The following BICC1 variants were observed in gnomAD, a reference collection of about 807,000 sequenced individuals.
BICC1 encodes the protein BicC family RNA binding protein 1.
Under a neutral mutation model 111.0 loss-of-function variants are expected in BICC1, and 43 were observed. That is an observed-to-expected ratio of 0.39 (90% CI 0.30 to 0.50). The LOEUF (loss-of-function observed/expected upper bound fraction) is 0.50. Ranked by LOEUF, BICC1 falls within the 20% of genes least tolerant of loss-of-function variation. The pLI is 0.88. For missense variants in BICC1, 1,091 were observed against 1,203.2 expected, an observed-to-expected ratio of 0.91 and a Z score of 1.38; for synonymous variants, 467 against 434.4, an observed-to-expected ratio of 1.07 and a Z score of -0.93.
chr10:58,696,856 TG>T (rs1840078439), intron 2 of BICC1, among the ~76,000 whole-genome samples: 1 of 152,224 alleles, frequency 6.6e-6, no homozygotes, highest in Non-Finnish European at 1.5e-5. Flanking sequence ...TTTGGTTTTG[TG>T]GTGGTGAAAA....
At chr10:58,707,493 A>G (rs950156918) in intron 3 of BICC1, among the ~76,000 whole-genome samples, 1 of 152,102 alleles carries the variant, frequency 6.6e-6, no homozygotes. Flanking sequence ...CTAGGTTAAA[A>G]AAAAATAGAG....
intron 1 of BICC1, among the ~76,000 whole-genome samples, chr10:58,619,478 CT>C (rs60650027): frequency 0.93 from 112,642 of 120,826 alleles, 52,679 homozygotes; most frequent in East Asian, 0.98. Context: ...AGTTTTGAAT[CT>C]TTTTTTTTTT....
chr10:58,793,613 A>C lies in BICC1; in HGVS notation c.1177A>C (p.Lys393Gln). The C allele has an allele frequency of 6.2e-7, 1 of 1,613,730 alleles. No individual in the cohort carries two copies. Among genetic ancestry groups the C allele is most frequent in the Non-Finnish European group, 8.5e-7 (1 of 1,179,866 alleles). Residue 393 changes from lysine (K) to glutamine (Q), a missense_variant and splice_region_variant, in exon 9 of 21, where the codon AAG (lysine) becomes CAG (glutamine). Around this residue, in one of 3 missense-constraint regions of BICC1, gnomAD observed 843 missense variants for 900.8 expected, o/e 0.94. Transcript: ENST00000373886. ...SIKPKPKQPS[K>Q]SVIVKSVERN... ...TAAACCAAAGCCCAAACAGCCAAGC[A>C]AGGTTGGTTCAGAGTCTGAATCCAG... is the stretch of plus-strand genomic sequence containing the variant.
At chr10:58,698,440 T>G (rs1564561066) in intron 2 of BICC1, among the ~76,000 whole-genome samples, 1 of 152,118 alleles carries the variant, frequency 6.6e-6, no homozygotes, top group African/African-American at 2.4e-5. Context: ...GAGCCAACTT[T>G]TTCTCCTCCT....
intron 3 of BICC1, among the ~76,000 whole-genome samples, chr10:58,751,586 A>C (rs937518169): frequency 1.9e-4 from 29 of 152,240 alleles, no homozygotes; most frequent in African/African-American, 5.8e-4. Context: ...TGAGATGCAA[A>C]ATATTTCACT....
chr10:58,574,261 G>A (rs891623735), intron 1 of BICC1, among the ~76,000 whole-genome samples: 2 of 152,110 alleles, frequency 1.3e-5, no homozygotes, highest in Admixed American at 1.3e-4. Flanking sequence ...ATTGGGAGAT[G>A]GATTTGGACA....
intron 1 of BICC1, among the ~76,000 whole-genome samples, chr10:58,527,673 A>C (rs1589064203): frequency 6.6e-6 from 1 of 152,246 alleles, no homozygotes; most frequent in East Asian, 1.9e-4. Context: ...CATTTATTAA[A>C]TAGGGAATCC....
At chr10:58,535,306 T>G (rs933701684) in intron 1 of BICC1, among the ~76,000 whole-genome samples, 5 of 151,640 alleles carry the variant, frequency 3.3e-5, no homozygotes, top group Non-Finnish European at 7.4e-5. Context: ...AAAGTCAATG[T>G]GAAGGAAATA....
At position 58,632,517 on chromosome 10, in the gene BICC1, T is replaced by C. The variant is rs546974094; in HGVS notation, c.237+11616T>C. Reference sequence around the variant, plus strand: ...AACGGAGGGAGTGATTTTTTTTTTTTTCCCCTATTCTGAGGACTCAGGGAA... The same window carrying C: ...AACGGAGGGAGTGATTTTTTTTTTTCTCCCCTATTCTGAGGACTCAGGGAA... On this transcript the variant is annotated intron_variant, in intron 2 of 20. Coordinates refer to ENST00000373886, the MANE Select transcript of BICC1 (RefSeq NM_001080512.3). 8.2e-4 allele frequency among the ~76,000 whole-genome samples: 125 copies of C among 152,118 alleles called. No individual in the cohort carries two copies. In the South Asian group the frequency reaches 0.021, roughly 26 times the overall value.
chr10:58,825,691 G>T (rs1022950622), intron 20 of BICC1, among the ~76,000 whole-genome samples: 1 of 152,080 alleles, frequency 6.6e-6, no homozygotes, highest in African/African-American at 2.4e-5. Context: ...ACAAGTATCC[G>T]CTTAAAGCAC....
Position 58,813,820 on chromosome 10 carries a change from C to T in BICC1, c.2377-10C>T, listed in dbSNP as rs1455189541. 1 of 1,611,442 alleles carries T rather than the reference C, an allele frequency of 6.2e-7. No individual in the cohort carries two copies. Among genetic ancestry groups the T allele is most frequent in the Non-Finnish European group, 8.5e-7 (1 of 1,178,440 alleles). On this transcript the variant is annotated splice_polypyrimidine_tract_variant and intron_variant, in intron 17 of 20. Transcript: ENST00000373886. The stretch of plus-strand genomic sequence containing the variant: ...TAAATATTTCCTTATCTGGCTTTGT[C>T]TGTTTACAGGGCTCATCCATGTCCC...
intron 2 of BICC1, among the ~76,000 whole-genome samples, chr10:58,635,587 C>A (rs974789640): frequency 2.0e-5 from 3 of 152,160 alleles, no homozygotes; most frequent in African/African-American, 4.8e-5. Flanking sequence ...ACAACTGTTA[C>A]CTTTTTATAT....
chr10:58,647,779 G>GAA (rs113946754), intron 2 of BICC1, among the ~76,000 whole-genome samples: 1 of 139,786 alleles, frequency 7.2e-6, no homozygotes, highest in Admixed American at 7.1e-5. Flanking sequence ...GGCTTTCTCA[G>GAA]AAAAAAAAAA....
chr10:58,707,871 A>G (rs1389134948), intron 3 of BICC1, among the ~76,000 whole-genome samples: 1 of 151,978 alleles, frequency 6.6e-6, no homozygotes, highest in East Asian at 1.9e-4. Flanking sequence ...CTAATTTTGT[A>G]TTTTTAGTAG....
Position 58,531,178 on chromosome 10 carries a change from T to C in BICC1, c.190+17845T>C, listed in dbSNP as rs141631552. 2.2e-3 allele frequency among the ~76,000 whole-genome samples: 338 copies of C among 151,880 alleles called. 3 individuals carry two copies. The highest frequency in any genetic ancestry group is 7.5e-3 in the African/African-American group (311 of 41,502). On this transcript the variant is annotated intron_variant, in intron 1 of 20. Transcript: ENST00000373886. ...GTGACTGGTTTCTGCCTTGCTTGAC[T>C]TGGAGTGCTGATGAGGAATAGGCAT...
At chr10:58,576,261 C>A (rs1469069486) in intron 1 of BICC1, among the ~76,000 whole-genome samples, 1 of 151,970 alleles carries the variant, frequency 6.6e-6, no homozygotes, top group Admixed American at 6.6e-5. Context: ...TTTTGTATGG[C>A]GTACTGATCC....
intron 1 of BICC1, among the ~76,000 whole-genome samples, chr10:58,547,668 G>A (rs1843176687): frequency 7.1e-6 from 1 of 141,762 alleles, no homozygotes. Context: ...ATACATGCAT[G>A]CATGTATGTA....
intron 19 of BICC1, among the ~76,000 whole-genome samples, chr10:58,817,926 A>G (rs1232873792): frequency 6.6e-6 from 1 of 152,180 alleles, no homozygotes; most frequent in Non-Finnish European, 1.5e-5. Context: ...AAATAGAGAA[A>G]ATCATACTTG....
At chr10:58,609,312 C>T (rs1845336253) in intron 1 of BICC1, among the ~76,000 whole-genome samples, 2 of 152,150 alleles carry the variant, frequency 1.3e-5, no homozygotes, top group Admixed American at 6.5e-5. Context: ...ACAGATAGAA[C>T]TTTGATTTCA....
Sources: allele counts gnomAD v4.1 joint callset (sites outside exome capture counted in the v4.1 genomes callset), GRCh38; gene constraint gnomAD v4.1.1; regional missense constraint gnomAD v4.1.1; transcripts MANE v1.5; gene names NCBI Gene and HGNC (gene_info 2026-07-23, HGNC 2026-07-21).